Variants in MYH7B observed in about 807,000 individuals in gnomAD.
MYH7B encodes the protein myosin-7B.
Under a neutral mutation model 234.5 loss-of-function variants are expected in MYH7B, and 205 were observed. The ratio of observed to expected loss-of-function variants is 0.87; its 90% CI spans 0.78 to 0.98. MYH7B has a LOEUF of 0.98. Among genes scored for constraint, MYH7B ranks in the 50% least tolerant of loss-of-function variants. The probability of loss-of-function intolerance (pLI) is 0.00; values close to 1 mark genes in which losing one functional copy is unlikely to be tolerated. For missense variants in MYH7B, 2,652 were observed against 2,633.4 expected (o/e 1.01, Z -0.15); for synonymous variants, 1,193 against 1,105.0 (o/e 1.08, Z -1.58).
In MYH7B at chr20:34,996,762, G is replaced by A. The variant is rs1410502882; in HGVS notation, c.3266+4G>A. ...AGCTGGAGGAGAAGCTCAAGAAGTA[G>A]GTGTGGTGGGGCAGCAGGTGGGGGC... On this transcript the variant is annotated splice_donor_region_variant and intron_variant, in intron 30 of 44. Transcript: ENST00000262873. The A allele has an allele frequency of 6.2e-7, 1 of 1,608,226 alleles. No homozygotes were observed. The highest frequency in any genetic ancestry group is 8.5e-7 in the Non-Finnish European group (1 of 1,177,756).
In MYH7B at chr20:34,989,921, T is replaced by C; in HGVS notation, c.1767+2T>C. 1.2e-6 allele frequency: 2 copies of C among 1,613,872 alleles called. No homozygotes were observed. Among genetic ancestry groups the C allele is most frequent in the Non-Finnish European group, 1.7e-6 (2 of 1,179,848 alleles). ...GAGGTGGTCCACTACGCAGGCGTGG[T>C]AGGTGCTTGCTGGAACCCCAGCCCT... On this transcript the variant is annotated splice_donor_variant, in intron 20 of 44. Coordinates refer to ENST00000262873, the Ensembl canonical transcript of MYH7B. LOFTEE classifies it high-confidence loss of function.
At chr20:34,984,878 G>C (rs755306679) in exon 12 of MYH7B, 2 of 1,614,026 alleles carry the variant, frequency 1.2e-6, no homozygotes, top group South Asian at 1.1e-5. Flanking sequence ...TCAAATCATC[G>C]AGGCCAACCC....
At chr20:35,001,035 A>G (rs771263894) in exon 41 of MYH7B, 2 of 1,613,828 alleles carry the variant, frequency 1.2e-6, no homozygotes, top group Non-Finnish European at 8.5e-7. Context: ...ACACAAGTGC[A>G]CACCTGGAAC....
intron 9 of MYH7B, 151 bp from the exon 10 acceptor site, chr20:34,982,308 G>T: frequency 3.0e-6 from 2 of 677,080 alleles, no homozygotes. Context: ...ACACTGGCTT[G>T]CTTTGTACAC....
chr20:34,987,557 G>T, exon 17 of MYH7B: 1 of 1,611,072 alleles, frequency 6.2e-7, no homozygotes, highest in South Asian at 1.1e-5. Flanking sequence ...GCCCTGCCAG[G>T]TGCTGACAAG....
At chr20:34,959,217 T>C (rs1004669804) in intron 2 of MYH7B, among the ~76,000 whole-genome samples, 4 of 152,222 alleles carry the variant, frequency 2.6e-5, no homozygotes, top group African/African-American at 9.7e-5. Flanking sequence ...TCAGGCTCAC[T>C]TGGGGATCTC....
chr20:34,978,720 C>T (rs907086729), intron 5 of MYH7B, among the ~76,000 whole-genome samples: 6 of 152,152 alleles, frequency 3.9e-5, no homozygotes, highest in African/African-American at 1.2e-4. Context: ...CTGCTGTTGC[C>T]GTCTTGAAAG....
chr20:34,979,519 A>G lies in MYH7B; in HGVS notation c.198+23A>G, dbSNP rs769968991. ...AAGGTTCCGTTCCCCCTTTCCTGAG[A>G]TTAGCCTCTCTGTCCCTAGGCCTCC... is the stretch of plus-strand genomic sequence containing the variant. On this transcript the variant is annotated intron_variant, in intron 6 of 44. Transcript: ENST00000262873. 3.3e-5 allele frequency: 53 copies of G among 1,604,678 alleles called. 1 individual carries two copies. Among genetic ancestry groups the G allele is most frequent in the Non-Finnish European group, 4.1e-5 (48 of 1,173,890 alleles).
chr20:34,974,803 C>T (rs926180844), intron 2 of MYH7B, among the ~76,000 whole-genome samples: 1 of 152,174 alleles, frequency 6.6e-6, no homozygotes, highest in East Asian at 1.9e-4. Flanking sequence ...AGGTTTGGTT[C>T]GTTCACTTAC....
rs189354624 is a variant in MYH7B at position 34,975,605 on chromosome 20, G to A, written c.-122+106G>A. On this transcript the variant is annotated intron_variant, in intron 3 of 44. Coordinates refer to ENST00000262873, the Ensembl canonical transcript of MYH7B. ...TAATGGCAAAAGACTGAAAACAATC[G>A]AAATGTCTACCGAGAGGGGACCCGC... 6.6e-3 allele frequency: 4,327 copies of A among 652,422 alleles called. 27 individuals carry two copies. Among genetic ancestry groups the A allele is most frequent in the Non-Finnish European group, 8.5e-3 (2,972 of 348,902 alleles). 40.4% of individuals were successfully genotyped at this position (652,422 alleles called of 1,614,324 possible). A position where few individuals can be genotyped will look rare whatever the true frequency, so the allele number is the denominator to read the frequency against.
chr20:34,999,001 T>TG, intron 35 of MYH7B, 55 bp from the exon 36 acceptor site: 1 of 1,582,262 alleles, frequency 6.3e-7, no homozygotes, highest in East Asian at 2.2e-5. Flanking sequence ...AGGGAGCTGC[T>TG]GGGGCTGTTC....
chr20:34,994,212 G>A (rs2082209129), exon 27 of MYH7B: 8 of 1,613,406 alleles, frequency 5.0e-6, no homozygotes, highest in Non-Finnish European at 6.8e-6. Context: ...GGTCATGGAT[G>A]AAGCTCTTTT....
chr20:34,995,775 G>A (rs1461780802), intron 28 of MYH7B, among the ~76,000 whole-genome samples, 197 bp downstream of exon 28: 2 of 152,274 alleles, frequency 1.3e-5, no homozygotes, highest in East Asian at 3.8e-4. Context: ...AGGTGGTGAT[G>A]TGTGTAATTG....
intron 10 of MYH7B, among the ~76,000 whole-genome samples, chr20:34,983,987 A>C (rs537374475): frequency 2.4e-4 from 36 of 152,310 alleles, no homozygotes; most frequent in African/African-American, 8.7e-4. Context: ...GGATCTGCTC[A>C]ATTCACTTAG....
At chr20:34,978,199 T>C (rs2081887928) in intron 5 of MYH7B, 103 bp downstream of exon 5, 6 of 1,395,780 alleles carry the variant, frequency 4.3e-6, no homozygotes, top group African/African-American at 2.8e-5. Context: ...TGAAGGGGCA[T>C]TGGGGCCTGA....
chr20:34,962,478 C>T (rs566217698), intron 2 of MYH7B, among the ~76,000 whole-genome samples: 26 of 152,168 alleles, frequency 1.7e-4, no homozygotes, highest in Non-Finnish European at 2.8e-4. Context: ...CCATGGATAC[C>T]AACATCCAAG....
At position 34,972,153 on chromosome 20, in the gene MYH7B, C is replaced by G. The variant is rs183330638; in HGVS notation, c.-221-3247C>G. Reference sequence around the variant, plus strand: ...ATGAAACTTCAGCTCACTCACATTTCTGCTCTCACAGGCTCCCTTTGCACT... The same window carrying G: ...ATGAAACTTCAGCTCACTCACATTTGTGCTCTCACAGGCTCCCTTTGCACT... On this transcript the variant is annotated intron_variant, in intron 2 of 44. Transcript: ENST00000262873. Among the ~76,000 whole-genome samples, 939 of 152,336 alleles carry G rather than the reference C, an allele frequency of 6.2e-3. 15 individuals are homozygous for G. Among genetic ancestry groups the G allele is most frequent in the African/African-American group, 0.021 (891 of 41,580 alleles).
chr20:34,977,735 T>TGGGGGG, intron 4 of MYH7B, 55 bp downstream of exon 4: 1 of 164,858 alleles, frequency 6.1e-6, no homozygotes, highest in African/African-American at 9.2e-5. Flanking sequence ...GGTGGGCGGG[T>TGGGGGG]GGGTGAGGGT....
At chr20:34,982,941 G>A (rs1457408875) in intron 10 of MYH7B, among the ~76,000 whole-genome samples, 1 of 152,242 alleles carries the variant, frequency 6.6e-6, no homozygotes, top group African/African-American at 2.4e-5. Context: ...TAGACACAGA[G>A]GTTGGCTGGC....
Sources: gnomAD v4.1 joint callset for allele counts (sites outside exome capture counted in the v4.1 genomes callset) on GRCh38, gnomAD v4.1.1 for gene constraint, MANE v1.5 for transcripts, NCBI Gene and HGNC (gene_info 2026-07-23, HGNC 2026-07-21) for gene names.